RGS6: variants seen among roughly 807,000 people sequenced by gnomAD.
RGS6 encodes regulator of G-protein signaling 6.
A neutral mutation model predicts 78.5 loss-of-function variants in RGS6; 30 were observed. That is an observed-to-expected ratio of 0.38 (90% CI 0.29 to 0.52). RGS6 has a LOEUF of 0.52. RGS6 is among the 20% of genes least tolerant of loss of function. The probability of loss-of-function intolerance (pLI) is 0.85; values close to 1 mark genes in which losing one functional copy is unlikely to be tolerated. For synonymous variants in RGS6, 206 were observed against 206.0 expected, an observed-to-expected ratio of 1.00 and a Z score of 0.00; for missense variants, 495 against 609.7, an observed-to-expected ratio of 0.81 and a Z score of 1.98.
intron 2 of RGS6, among the ~76,000 whole-genome samples, chr14:72,341,613 A>C (rs8022859): frequency 6.6e-6 from 1 of 152,016 alleles, no homozygotes; most frequent in East Asian, 1.9e-4. Flanking sequence ...AAGTGTGTCC[A>C]GAAGCAAAAC....
At chr14:72,498,889 A>T (rs2096680670) in intron 13 of RGS6, among the ~76,000 whole-genome samples, 1 of 152,158 alleles carries the variant, frequency 6.6e-6, no homozygotes, top group South Asian at 2.1e-4. Flanking sequence ...ACCTGAATGT[A>T]TGAATGGATG....
intron 2 of RGS6, among the ~76,000 whole-genome samples, chr14:72,189,897 A>T (rs1390754442): frequency 6.6e-6 from 1 of 152,170 alleles, no homozygotes; most frequent in African/African-American, 2.4e-5. Flanking sequence ...TAACGGCTAC[A>T]TGGGATATAG....
In RGS6 at chr14:72,337,669, G is replaced by A. The variant is rs543954625; in HGVS notation, c.85-14426G>A. Among the ~76,000 whole-genome samples the A allele has an allele frequency of 2.6e-5, 4 of 152,306 alleles. No homozygotes were observed. The South Asian group carries it at 8.3e-4, about 32-fold the overall frequency. On this transcript the variant is annotated intron_variant, in intron 2 of 17. Transcript: ENST00000553525. ...TAGGCCCTGCCTGACTATGCTGCAG[G>A]CTCTGCCTTACACTTGCTCATCCTC...
At chr14:72,471,912 T>C (rs1275887113) in intron 8 of RGS6, among the ~76,000 whole-genome samples, 1 of 152,206 alleles carries the variant, frequency 6.6e-6, no homozygotes, top group African/African-American at 2.4e-5. Context: ...CATCACAAGT[T>C]ATAAACAGAG....
chr14:72,560,405 G>T lies in RGS6; in HGVS notation c.1423-2012G>T, dbSNP rs546231353. ...AGGCCCCTAGGCTCAGCAGCCCCGT[G>T]TTTCCCCAGCAAGGATGCCCCACAC... On this transcript the variant is annotated intron_variant, in intron 17 of 17. Transcript: ENST00000553525. Among the ~76,000 whole-genome samples the T allele has an allele frequency of 3.9e-5, 6 of 152,284 alleles. No individual in the cohort carries two copies. In the South Asian group the frequency reaches 1.2e-3, roughly 32 times the overall value.
At chr14:72,370,857 T>A (rs968149106) in intron 3 of RGS6, among the ~76,000 whole-genome samples, 2 of 152,254 alleles carry the variant, frequency 1.3e-5, no homozygotes, top group Non-Finnish European at 2.9e-5. Context: ...TCCTTTTGTT[T>A]TACAAAAAGT....
intron 17 of RGS6, chr14:72,540,560 A>C (rs773845313): frequency 1.3e-6 from 2 of 1,554,362 alleles, no homozygotes; most frequent in Non-Finnish European, 1.7e-6. Context: ...GTCGCGAGCT[A>C]ATGTTGCTGT....
chr14:72,220,852 T>A (rs1446825055), intron 2 of RGS6, among the ~76,000 whole-genome samples: 1 of 152,172 alleles, frequency 6.6e-6, no homozygotes, highest in Non-Finnish European at 1.5e-5. Context: ...AAAGATTGGC[T>A]GTGTTTCTTA....
chr14:72,051,792 C>T (rs1456399657), intron 2 of RGS6, among the ~76,000 whole-genome samples: 1 of 152,154 alleles, frequency 6.6e-6, no homozygotes, highest in Non-Finnish European at 1.5e-5. Flanking sequence ...AAATTCTGTT[C>T]TTATCACTAA....
At chr14:72,166,480 C>T (rs559702799) in intron 2 of RGS6, among the ~76,000 whole-genome samples, 1 of 152,106 alleles carries the variant, frequency 6.6e-6, no homozygotes, top group Non-Finnish European at 1.5e-5. Flanking sequence ...TGTGTTGTTT[C>T]ACATACTCAG....
At chr14:72,456,573 G>A in intron 4 of RGS6, among the ~76,000 whole-genome samples, 1 of 152,166 alleles carries the variant, frequency 6.6e-6, no homozygotes, top group Non-Finnish European at 1.5e-5. Context: ...TGGATTACAG[G>A]TGTGAGACAC....
intron 2 of RGS6, among the ~76,000 whole-genome samples, chr14:72,143,400 T>G (rs2153616978): frequency 6.6e-6 from 1 of 152,204 alleles, no homozygotes; most frequent in Non-Finnish European, 1.5e-5. Context: ...ACTGTCTTTT[T>G]CTAGCCCTAT....
the RGS6 span, among the ~76,000 whole-genome samples, chr14:71,902,903 A>G: frequency 6.6e-6 from 1 of 152,220 alleles, no homozygotes; most frequent in Non-Finnish European, 1.5e-5. Context: ...CATTATTGGA[A>G]TGAGCACAGG....
the RGS6 span, among the ~76,000 whole-genome samples, chr14:71,925,576 T>C: frequency 6.6e-6 from 1 of 152,172 alleles, no homozygotes; most frequent in East Asian, 1.9e-4. Flanking sequence ...AGTTGACTTT[T>C]GTCTATGGTG....
At chr14:72,476,867 CAGG>C (rs749343613) in intron 11 of RGS6, 27 bp downstream of exon 11, 6 of 1,582,448 alleles carry the variant, frequency 3.8e-6, no homozygotes, top group Non-Finnish European at 5.2e-6. Context: ...CTTGCACTCT[CAGG>C]AGGAGACGTG....
chr14:72,542,118 A>G (rs552219547), intron 17 of RGS6, among the ~76,000 whole-genome samples: 2 of 152,262 alleles, frequency 1.3e-5, no homozygotes, highest in Admixed American at 1.3e-4. Flanking sequence ...AAAAAACTAA[A>G]TTCCTAAATT....
intron 2 of RGS6, among the ~76,000 whole-genome samples, chr14:72,267,346 CATAA>C (rs34921389): frequency 0.32 from 48,088 of 151,842 alleles, 8,093 homozygotes; most frequent in South Asian, 0.42. Flanking sequence ...TTTCAGTGTC[CATAA>C]ATAAAGTTTC....
chr14:71,987,647 A>C (rs1264062585), intron 2 of RGS6, among the ~76,000 whole-genome samples: 6 of 151,800 alleles, frequency 4.0e-5, no homozygotes, highest in African/African-American at 1.5e-4. Flanking sequence ...CAGCCTTCCC[A>C]TAGCTGGGAC....
chr14:72,560,674 C>T (rs1411457599), intron 17 of RGS6, among the ~76,000 whole-genome samples: 2 of 152,156 alleles, frequency 1.3e-5, no homozygotes, highest in Non-Finnish European at 1.5e-5. Context: ...CACCATAACC[C>T]TCTTGGATTT....
Sources: gnomAD v4.1 joint callset for allele counts (sites outside exome capture counted in the v4.1 genomes callset) on GRCh38, gnomAD v4.1.1 for gene constraint, MANE v1.5 for transcripts, NCBI Gene and HGNC (gene_info 2026-07-23, HGNC 2026-07-21) for gene names.